Variants in CDK12 observed in about 807,000 individuals in gnomAD.
CDK12 encodes the protein cyclin dependent kinase 12, also known as cyclin-dependent kinase 12.
CDK12 carries 17 observed loss-of-function variants against 133.8 expected under a neutral mutation model. That is an observed-to-expected ratio of 0.13 (90% CI 0.09 to 0.19). CDK12 has a LOEUF of 0.19. Among genes scored for constraint, CDK12 ranks in the 10% least tolerant of loss-of-function variants. CDK12 has a pLI of 1.00. For missense variants in CDK12, 1,508 were observed against 1,818.7 expected (o/e 0.83, Z 3.11); for synonymous variants, 694 against 683.6 (o/e 1.02, Z -0.24).
Position 39,492,894 on chromosome 17 carries a change from A to G in CDK12, c.2248+4A>G. ...AAAGCCAAGGACAAAGACACAGGTA[A>G]ATATTGCCACAAAATTTTAGATGTC... On this transcript the variant is annotated splice_donor_region_variant and intron_variant, in intron 4 of 13. Transcript: ENST00000447079. 6.3e-7 allele frequency: 1 copy of G among 1,591,874 alleles called. No individual in the cohort carries two copies. Among genetic ancestry groups the G allele is most frequent in the South Asian group, 1.2e-5 (1 of 86,472 alleles).
In CDK12 at chr17:39,517,555, T is replaced by G; in HGVS notation, c.2962T>G (p.Phe988Val). ...AAGGCGTCTACGAGAAGAATTCTCT[T>G]TGTGAGTTTGGGGAAAATGAACATC... ...YRRRLREEFS[F>V]IPSAALDLLD... The change falls in exon 10 of 14, where the codon TTC becomes GTC. Residue 988 changes from phenylalanine to valine, a missense_variant and splice_region_variant. Transcript: ENST00000447079. 6.4e-7 allele frequency: 1 copy of G among 1,571,380 alleles called. No individual in the cohort carries two copies. The highest frequency in any genetic ancestry group is 8.8e-7 in the Non-Finnish European group (1 of 1,141,328).
intron 2 of CDK12, among the ~76,000 whole-genome samples, chr17:39,487,580 A>C (rs1317753137): frequency 1.3e-5 from 1 of 77,556 alleles, no homozygotes; most frequent in Non-Finnish European, 2.9e-5. Context: ...TAGATGTCTT[A>C]TTTTTTCTGA....
At chr17:39,549,897 C>T (rs982638672), upstream of CDK12, 1 of 152,294 alleles carries the variant, frequency 6.6e-6, no homozygotes, top group Non-Finnish European at 1.5e-5. Flanking sequence ...GTGCCACCCT[C>T]CCAGGCTGGC....
intron 5 of CDK12, among the ~76,000 whole-genome samples, chr17:39,498,095 G>A (rs946498323): frequency 7.9e-5 from 12 of 151,682 alleles, no homozygotes; most frequent in African/African-American, 2.9e-4. Context: ...CTGAACTCCT[G>A]GGTTCAAGGG....
At chr17:39,504,357 T>C (rs543789304) in intron 6 of CDK12, among the ~76,000 whole-genome samples, 7 of 152,014 alleles carry the variant, frequency 4.6e-5, no homozygotes, top group Admixed American at 2.0e-4. Flanking sequence ...GTCAGAGAGA[T>C]AGGAAGAAAA....
chr17:39,515,505 A>T (rs1229559941), intron 8 of CDK12, among the ~76,000 whole-genome samples: 1 of 152,196 alleles, frequency 6.6e-6, no homozygotes, highest in Non-Finnish European at 1.5e-5. Flanking sequence ...CTGATCATAG[A>T]GTGTCCTTAA....
downstream of CDK12, among the ~76,000 whole-genome samples, chr17:39,537,537 T>C (rs901218371): frequency 3.4e-5 from 5 of 145,662 alleles, no homozygotes; most frequent in African/African-American, 1.3e-4. Context: ...TGGGGTATAA[T>C]TCCTTATTTT....
intron 1 of CDK12, among the ~76,000 whole-genome samples, chr17:39,541,587 G>A (rs1216110140): frequency 1.7e-5 from 2 of 121,000 alleles, no homozygotes; most frequent in Non-Finnish European, 3.7e-5. Flanking sequence ...GGATGATCTC[G>A]ATCTCCAGAC....
chr17:39,508,086 G>A (rs369975911), intron 6 of CDK12, among the ~76,000 whole-genome samples: 13 of 152,058 alleles, frequency 8.5e-5, no homozygotes, highest in East Asian at 5.8e-4. Context: ...TTAGATTTTG[G>A]AATATTTACA....
chr17:39,542,817 AATC>A (rs1383821136), intron 1 of CDK12, among the ~76,000 whole-genome samples: 1 of 152,232 alleles, frequency 6.6e-6, no homozygotes, highest in East Asian at 1.9e-4. Context: ...GTCTAAGAAT[AATC>A]TTTCAATGAC....
chr17:39,466,287 G>A (rs1430023791), intron 1 of CDK12, among the ~76,000 whole-genome samples: 4 of 142,694 alleles, frequency 2.8e-5, no homozygotes, highest in Non-Finnish European at 3.0e-5. Flanking sequence ...CAGCCTGGGC[G>A]ACAGAATGAG....
At chr17:39,548,573 C>G (rs1025056045), upstream of CDK12, among the ~76,000 whole-genome samples, 17 of 152,194 alleles carry the variant, frequency 1.1e-4, no homozygotes, top group African/African-American at 4.1e-4. Flanking sequence ...GAGTTAGTCT[C>G]CCCGTCACCT....
Position 39,525,955 on chromosome 17 carries a change from A to G in CDK12, c.3399A>G (p.Gln1133=), listed in dbSNP as rs749718922. Residue 1133 remains glutamine (Q), a synonymous_variant, in exon 13 of 14, where the codon CAA becomes CAG. Transcript: ENST00000447079. ...LQSQTDLSIP[Q]MAQLLNIHSN... ...GCCAAACCGACCTGAGCATCCCTCAAATGGCACAGCTGCTTAACATCCACT... is the reference window on the plus strand; with the variant it reads ...GCCAAACCGACCTGAGCATCCCTCAGATGGCACAGCTGCTTAACATCCACT... 7.4e-6 allele frequency: 12 copies of G among 1,614,088 alleles called. No individual in the cohort carries two copies. The highest frequency in any genetic ancestry group is 3.3e-4 in the Middle Eastern group (2 of 6,084).
intron 5 of CDK12, among the ~76,000 whole-genome samples, chr17:39,495,913 GTTTTTGTTTTTT>G (rs1196839718): frequency 2.0e-5 from 3 of 151,376 alleles, no homozygotes; most frequent in Non-Finnish European, 1.5e-5. Flanking sequence ...AGTTCTTTTT[GTTTTTGTTTTTT>G]TTTTGAGACA....
Position 39,531,507 on chromosome 17 carries a change from T to C in CDK12, c.*191T>C. On this transcript the variant is annotated 3_prime_UTR_variant, in exon 14 of 14. Transcript: ENST00000447079. ...ACGAAATAATGATGTTGGCACCAGTTCCCCCTGGATGGGCTATAGCCAGAA... is the reference window on the plus strand; with the variant it reads ...ACGAAATAATGATGTTGGCACCAGTCCCCCCTGGATGGGCTATAGCCAGAA... The C allele has an allele frequency of 2.2e-6, 1 of 460,892 alleles. No homozygotes were observed. 28.6% of individuals were successfully genotyped at this position (460,892 alleles called of 1,614,324 possible).
At chr17:39,551,957 G>A (rs2055971345) in intron 2 of CDK12, among the ~76,000 whole-genome samples, 1 of 152,170 alleles carries the variant, frequency 6.6e-6, no homozygotes, top group Non-Finnish European at 1.5e-5. Flanking sequence ...TAGGCACAGA[G>A]CTTGGAAAGC....
At chr17:39,504,413 G>A (rs2052946391) in intron 6 of CDK12, among the ~76,000 whole-genome samples, 2 of 152,256 alleles carry the variant, frequency 1.3e-5, no homozygotes, top group South Asian at 4.2e-4. Context: ...GAAGGGAGTG[G>A]TGATTGATGT....
intron 3 of CDK12, among the ~76,000 whole-genome samples, chr17:39,560,027 C>T (rs1029257142): frequency 7.9e-5 from 12 of 152,114 alleles, no homozygotes; most frequent in Non-Finnish European, 1.5e-4. Flanking sequence ...AAACTCCTAG[C>T]CGCAAGCAGT....
chr17:39,562,599 C>T (rs182487745), intron 3 of CDK12, among the ~76,000 whole-genome samples: 6 of 152,234 alleles, frequency 3.9e-5, no homozygotes, highest in African/African-American at 1.4e-4. Context: ...TGATTACAGG[C>T]ACTGCATGGT....
Sources: gnomAD v4.1 joint callset for allele counts (sites outside exome capture counted in the v4.1 genomes callset) on GRCh38, gnomAD v4.1.1 for gene constraint, MANE v1.5 for transcripts, NCBI Gene and HGNC (gene_info 2026-07-23, HGNC 2026-07-21) for gene names.